Variants in ACSS3 observed in about 807,000 individuals in gnomAD.
ACSS3 encodes acyl-CoA synthetase short-chain family member 3, mitochondrial.
Under a neutral mutation model 84.2 loss-of-function variants are expected in ACSS3, and 64 were observed. That is an observed-to-expected ratio of 0.76 (90% confidence interval 0.62 to 0.94). ACSS3 has a LOEUF of 0.94. Among genes scored for constraint, ACSS3 ranks in the 40% least tolerant of loss-of-function variants. The pLI is 0.00. For missense variants in ACSS3, 815 were observed against 867.6 expected (o/e 0.94, Z 0.76); for synonymous variants, 317 against 310.1 (o/e 1.02, Z -0.23).
intron 13 of ACSS3, among the ~76,000 whole-genome samples, chr12:81,251,669 A>C (rs926277106): frequency 1.3e-5 from 1 of 78,956 alleles, no homozygotes; most frequent in East Asian, 2.6e-4. Context: ...CCATCTCTAC[A>C]AAAAAAAAAA....
At chr12:81,117,063 C>T (rs1884103457) in intron 2 of ACSS3, among the ~76,000 whole-genome samples, 1 of 152,110 alleles carries the variant, frequency 6.6e-6, no homozygotes, top group Admixed American at 6.6e-5. Flanking sequence ...ATTTATCATT[C>T]ACTGATAGGT....
At chr12:81,158,665 C>A (rs1887002205) in intron 7 of ACSS3, among the ~76,000 whole-genome samples, 1 of 152,068 alleles carries the variant, frequency 6.6e-6, no homozygotes, top group African/African-American at 2.4e-5. Context: ...TGTTTCCCTG[C>A]AGTTATTCTT....
intron 5 of ACSS3, among the ~76,000 whole-genome samples, chr12:81,149,444 C>T (rs548869814): frequency 2.0e-5 from 3 of 152,196 alleles, no homozygotes; most frequent in South Asian, 2.1e-4. Context: ...ATGTAACCTT[C>T]GTGTTTTTTA....
intron 9 of ACSS3, among the ~76,000 whole-genome samples, chr12:81,209,292 A>G (rs1299890169): frequency 6.6e-6 from 1 of 152,040 alleles, no homozygotes; most frequent in Non-Finnish European, 1.5e-5. Context: ...TTTTTTGTTA[A>G]CTACATGCAC....
intron 13 of ACSS3, among the ~76,000 whole-genome samples, chr12:81,238,917 C>G (rs1048620737): frequency 1.3e-5 from 2 of 151,036 alleles, no homozygotes. Context: ...ATTTGGTCTT[C>G]CATTTTCTAG....
At chr12:81,187,438 A>T (rs954175023) in intron 8 of ACSS3, among the ~76,000 whole-genome samples, 3 of 151,906 alleles carry the variant, frequency 2.0e-5, no homozygotes, top group African/African-American at 7.2e-5. Flanking sequence ...TGTCTTATCT[A>T]CTGCACAAAT....
intron 8 of ACSS3, among the ~76,000 whole-genome samples, chr12:81,178,080 A>C (rs2030628563): frequency 6.6e-6 from 1 of 152,104 alleles, no homozygotes; most frequent in South Asian, 2.1e-4. Flanking sequence ...TCCAATAATG[A>C]TAGACTGGAT....
At chr12:81,181,785 A>G (rs2030954326) in intron 8 of ACSS3, among the ~76,000 whole-genome samples, 1 of 149,548 alleles carries the variant, frequency 6.7e-6, no homozygotes, top group Admixed American at 6.7e-5. Flanking sequence ...GAGAGCTACA[A>G]TAGTAGACTA....
At chr12:81,245,197 C>T (rs7960607) in intron 13 of ACSS3, among the ~76,000 whole-genome samples, 3,903 of 152,244 alleles carry the variant, frequency 0.026, 79 homozygotes, top group Non-Finnish European at 0.037. Flanking sequence ...CGCGGTGGCT[C>T]ACGCCTGTAA....
intron 7 of ACSS3, among the ~76,000 whole-genome samples, chr12:81,168,548 T>C (rs1355958759): frequency 6.6e-6 from 1 of 152,192 alleles, no homozygotes; most frequent in Non-Finnish European, 1.5e-5. Context: ...AGAGTGATAC[T>C]CTTTAAAGGT....
At chr12:81,251,019 T>C (rs2034132449) in intron 13 of ACSS3, among the ~76,000 whole-genome samples, 1 of 152,222 alleles carries the variant, frequency 6.6e-6, no homozygotes, top group Non-Finnish European at 1.5e-5. Context: ...GTGGTTTTCC[T>C]ATATAAGCTG....
At chr12:81,233,597 C>A in intron 13 of ACSS3, 126 bp downstream of exon 13, 2 of 1,145,330 alleles carry the variant, frequency 1.7e-6, no homozygotes, top group Non-Finnish European at 2.4e-6. Context: ...GGCTAGGTTA[C>A]TCTTACATCT....
chr12:81,141,954 TTATTCATACAGGTATCA>T (rs1886114870), intron 4 of ACSS3, among the ~76,000 whole-genome samples: 1 of 152,212 alleles, frequency 6.6e-6, no homozygotes, highest in African/African-American at 2.4e-5. Flanking sequence ...ATAAATGTGT[TTATTCATACAGGTATCA>T]TATTCATACA....
At chr12:81,112,050 C>G (rs1883642700) in intron 2 of ACSS3, among the ~76,000 whole-genome samples, 4 of 152,124 alleles carry the variant, frequency 2.6e-5, no homozygotes, top group African/African-American at 4.8e-5. Flanking sequence ...ACTCTGTTAC[C>G]AAATGAGCTT....
At chr12:81,219,496 A>T (rs1417371088) in intron 10 of ACSS3, among the ~76,000 whole-genome samples, 1 of 152,112 alleles carries the variant, frequency 6.6e-6, no homozygotes, top group East Asian at 1.9e-4. Context: ...CTCTTTTAGG[A>T]TTCTATCAGG....
At chr12:81,231,516 T>TA (rs1231614463) in intron 12 of ACSS3, among the ~76,000 whole-genome samples, 2 of 151,862 alleles carry the variant, frequency 1.3e-5, no homozygotes, top group Non-Finnish European at 2.9e-5. Flanking sequence ...ATAATGCCAT[T>TA]AGGACCCTTT....
intron 4 of ACSS3, among the ~76,000 whole-genome samples, chr12:81,141,408 G>A (rs990305539): frequency 1.1e-4 from 17 of 152,122 alleles, no homozygotes; most frequent in African/African-American, 3.1e-4. Flanking sequence ...TAAAAACTTG[G>A]CTGCCACACC....
intron 7 of ACSS3, among the ~76,000 whole-genome samples, chr12:81,170,786 C>G (rs181032689): frequency 6.6e-6 from 1 of 152,048 alleles, no homozygotes; most frequent in South Asian, 2.1e-4. Flanking sequence ...TTAGGCAGTT[C>G]AGTATGCTTA....
chr12:81,230,941 T>A (rs1950100), intron 11 of ACSS3, 116 bp from the exon 12 acceptor site: 123,675 of 824,580 alleles, frequency 0.15, 11,040 homozygotes, highest in East Asian at 0.36. Context: ...AGGGGTTATA[T>A]TTCAATGTAG....
Sources: gnomAD v4.1 joint callset for allele counts (sites outside exome capture counted in the v4.1 genomes callset) on GRCh38, gnomAD v4.1.1 for gene constraint, MANE v1.5 for transcripts, NCBI Gene and HGNC (gene_info 2026-07-23, HGNC 2026-07-21) for gene names.